LEKR1: variants seen among roughly 807,000 people sequenced by gnomAD.
LEKR1 encodes the protein protein LEKR1.
In LEKR1, 59 loss-of-function variants were observed where a neutral mutation model predicts 72.4. That is an observed-to-expected ratio of 0.82 (90% CI 0.66 to 1.01). The LOEUF is 1.01. Among genes scored for constraint, LEKR1 ranks in the 50% least tolerant of loss-of-function variants. The probability of loss-of-function intolerance (pLI) is 0.00; values close to 1 mark genes in which losing one functional copy is unlikely to be tolerated. For missense variants in LEKR1, 728 were observed against 759.2 expected (o/e 0.96, Z 0.48); for synonymous variants, 257 against 263.2 (o/e 0.98, Z 0.23).
At chr3:156,959,914 T>C (rs1727962738) in intron 6 of LEKR1, among the ~76,000 whole-genome samples, 1 of 152,224 alleles carries the variant, frequency 6.6e-6, no homozygotes, top group East Asian at 1.9e-4. Flanking sequence ...TTTCAAACTA[T>C]GTAAATATCT....
intron 3 of LEKR1, among the ~76,000 whole-genome samples, chr3:156,899,223 T>A (rs961782594): frequency 6.7e-6 from 1 of 148,194 alleles, no homozygotes; most frequent in Non-Finnish European, 1.5e-5. Flanking sequence ...CCATTCTGTG[T>A]TCCTAGCTCT....
intron 2 of LEKR1, among the ~76,000 whole-genome samples, chr3:156,833,700 A>G (rs942502195): frequency 2.6e-5 from 4 of 152,132 alleles, no homozygotes; most frequent in African/African-American, 9.7e-5. Flanking sequence ...TAATGAAATC[A>G]AAAGGACTGA....
chr3:156,918,937 C>A (rs1025650286), intron 3 of LEKR1, among the ~76,000 whole-genome samples: 55 of 152,168 alleles, frequency 3.6e-4, no homozygotes, highest in African/African-American at 1.3e-3. Context: ...CGAGGTACGG[C>A]CTCATCGGAG....
chr3:156,842,622 G>A lies in LEKR1; in HGVS notation c.49-10146G>A, dbSNP rs186137588. Among the ~76,000 whole-genome samples the A allele has an allele frequency of 1.7e-3, 254 of 152,268 alleles. 1 individual carries two copies. Among genetic ancestry groups the A allele is most frequent in the South Asian group, 5.0e-3 (24 of 4,816 alleles). ...GCCAAAATGAGCAGTAGTAGAAAAA[G>A]GAGAGTTACAAAAAATGTAAAGGTG... On this transcript the variant is annotated intron_variant, in intron 2 of 12. Coordinates refer to ENST00000356539, the MANE Select transcript of LEKR1 (RefSeq NM_001004316.3).
At chr3:156,888,881 G>A (rs571635389) in intron 3 of LEKR1, among the ~76,000 whole-genome samples, 2 of 152,068 alleles carry the variant, frequency 1.3e-5, no homozygotes, top group Admixed American at 6.5e-5. Flanking sequence ...AACATACTTT[G>A]TTAATGTCTT....
chr3:156,918,036 C>T (rs1217351522), intron 3 of LEKR1, among the ~76,000 whole-genome samples: 1 of 151,926 alleles, frequency 6.6e-6, no homozygotes, highest in East Asian at 1.9e-4. Context: ...TGATGGTACC[C>T]AGAAAACTAC....
chr3:156,851,096 A>G (rs1715303673), intron 2 of LEKR1: 1 of 144,772 alleles, frequency 6.9e-6, no homozygotes, highest in African/African-American at 2.8e-5. Context: ...GACCAGCCAC[A>G]CTAAACTATT....
At chr3:156,919,103 T>C (rs1319943554) in intron 3 of LEKR1, among the ~76,000 whole-genome samples, 1 of 152,198 alleles carries the variant, frequency 6.6e-6, no homozygotes, top group Non-Finnish European at 1.5e-5. Flanking sequence ...TTTCAGCCCA[T>C]TGTCCTTGTT....
At chr3:156,962,793 T>C (rs1728238822) in intron 6 of LEKR1, among the ~76,000 whole-genome samples, 5 of 152,214 alleles carry the variant, frequency 3.3e-5, no homozygotes, top group Admixed American at 3.3e-4. Flanking sequence ...TTGAGATAGC[T>C]GTAATTCTGG....
At chr3:156,924,692 G>T (rs953945209) in intron 4 of LEKR1, 6 of 417,684 alleles carry the variant, frequency 1.4e-5, no homozygotes, top group Non-Finnish European at 2.5e-5. Context: ...TTCCAGTGCT[G>T]TTTGTTAGAG....
intron 3 of LEKR1, among the ~76,000 whole-genome samples, chr3:156,882,337 C>T (rs1346201996): frequency 9.3e-5 from 14 of 151,226 alleles, no homozygotes; most frequent in South Asian, 8.4e-4. Flanking sequence ...AAAAAGTGGG[C>T]GAAGGACATG....
intron 2 of LEKR1, among the ~76,000 whole-genome samples, chr3:156,830,041 A>G (rs1712162812): frequency 6.6e-6 from 1 of 152,222 alleles, no homozygotes; most frequent in Non-Finnish European, 1.5e-5. Context: ...ATGCACACAG[A>G]CACTTAAGAA....
At chr3:156,908,217 G>A (rs764912811) in intron 3 of LEKR1, among the ~76,000 whole-genome samples, 11 of 151,874 alleles carry the variant, frequency 7.2e-5, no homozygotes, top group South Asian at 2.1e-4. Flanking sequence ...TTTTCCCTTC[G>A]TAATTAATAA....
Position 157,011,423 on chromosome 3 carries a change from C to G in LEKR1, c.1120C>G (p.Leu374Val). The G allele has an allele frequency of 6.2e-7, 1 of 1,611,980 alleles. No homozygotes were observed. The highest frequency in any genetic ancestry group is 8.5e-7 in the Non-Finnish European group (1 of 1,178,334). ...LTLKNERELM[L>V]ISHQKSIEQL... ...GTTTGTGATTTTCAGGGAATTGATGCTGATTTCACATCAGAAAAGCATCGA... is the reference window on the plus strand; with the variant it reads ...GTTTGTGATTTTCAGGGAATTGATGGTGATTTCACATCAGAAAAGCATCGA... Residue 374 changes from leucine (L) to valine (V), a missense_variant, in exon 10 of 13, where the codon CTG (leucine) becomes GTG (valine). By Grantham distance (32) the Leu-to-Val change is conservative (BLOSUM62 1). Coordinates refer to ENST00000356539, the MANE Select transcript of LEKR1 (RefSeq NM_001004316.3).
intron 5 of LEKR1, among the ~76,000 whole-genome samples, chr3:156,930,051 C>T (rs1379414243): frequency 6.6e-6 from 1 of 152,136 alleles, no homozygotes; most frequent in Non-Finnish European, 1.5e-5. Flanking sequence ...GGCAGAACAA[C>T]TGCATTTCAC....
intron 3 of LEKR1, 89 bp downstream of exon 3, chr3:156,853,071 TC>T: frequency 1.3e-6 from 1 of 786,890 alleles, no homozygotes; most frequent in Non-Finnish European, 2.0e-6. Context: ...CTAAAATTTC[TC>T]TACATCAGGT....
At chr3:157,005,217 G>A (rs561016592) in intron 9 of LEKR1, among the ~76,000 whole-genome samples, 1 of 152,116 alleles carries the variant, frequency 6.6e-6, no homozygotes, top group East Asian at 1.9e-4. Flanking sequence ...TGATGAGATG[G>A]ACAAAATTTT....
intron 7 of LEKR1, among the ~76,000 whole-genome samples, chr3:156,980,475 G>A (rs958301741): frequency 2.0e-5 from 3 of 150,910 alleles, no homozygotes; most frequent in African/African-American, 7.3e-5. Context: ...AGGAATTGGT[G>A]GACGGGGGTC....
intron 3 of LEKR1, among the ~76,000 whole-genome samples, chr3:156,870,951 CTTTTT>C (rs201513634): frequency 6.6e-6 from 1 of 151,668 alleles, no homozygotes; most frequent in African/African-American, 2.4e-5. Flanking sequence ...GTCCTTCATT[CTTTTT>C]TTTATTATTA....
Sources: gnomAD v4.1 joint callset for allele counts (sites outside exome capture counted in the v4.1 genomes callset) on GRCh38, gnomAD v4.1.1 for gene constraint, MANE v1.5 for transcripts, NCBI Gene and HGNC (gene_info 2026-07-23, HGNC 2026-07-21) for gene names.